The following YPEL1 variants were observed in gnomAD, a reference collection of about 807,000 sequenced individuals.
YPEL1 encodes the protein yippee like 1.
YPEL1 carries 7 observed loss-of-function variants against 17.3 expected under a neutral mutation model. The observed-to-expected ratio is 0.40, with a 90% CI of 0.23 to 0.76. The LOEUF is 0.76. Ranked by LOEUF, YPEL1 falls within the 30% of genes least tolerant of loss-of-function variation. YPEL1 has a pLI of 0.35. For missense variants in YPEL1, 91 were observed against 155.5 expected, an observed-to-expected ratio of 0.59 and a Z score of 2.21; for synonymous variants, 59 against 59.6, an observed-to-expected ratio of 0.99 and a Z score of 0.05.
At chr22:21,726,073 T>C (rs1450309111) in intron 1 of YPEL1, among the ~76,000 whole-genome samples, 3 of 152,148 alleles carry the variant, frequency 2.0e-5, no homozygotes, top group Non-Finnish European at 4.4e-5. Context: ...CATGGACCCA[T>C]GGGCACCAAG....
chr22:21,728,413 C>T (rs1464594683), intron 1 of YPEL1, among the ~76,000 whole-genome samples: 1 of 152,208 alleles, frequency 6.6e-6, no homozygotes, highest in Admixed American at 6.5e-5. Context: ...GCAGCGGCTC[C>T]CAGAGCCTTG....
intron 1 of YPEL1, among the ~76,000 whole-genome samples, chr22:21,719,761 C>T (rs1393915711): frequency 1.3e-5 from 2 of 152,022 alleles, no homozygotes; most frequent in Non-Finnish European, 2.9e-5. Context: ...GACGCGGTGG[C>T]TCACGCCTGG....
At chr22:21,712,464 C>T (rs1381385119) in intron 1 of YPEL1, among the ~76,000 whole-genome samples, 2 of 147,456 alleles carry the variant, frequency 1.4e-5, no homozygotes, top group Non-Finnish European at 3.0e-5. Context: ...TGGTGGCTCA[C>T]GCCTGTAATC....
chr22:21,734,044 CCA>C (rs2068413774), intron 1 of YPEL1, among the ~76,000 whole-genome samples: 1 of 152,100 alleles, frequency 6.6e-6, no homozygotes, highest in South Asian at 2.1e-4. Context: ...AAGTGAGACC[CCA>C]GTCTCTACAA....
chr22:21,711,367 A>T (rs1452166502), intron 1 of YPEL1, among the ~76,000 whole-genome samples: 2 of 152,228 alleles, frequency 1.3e-5, no homozygotes, highest in Non-Finnish European at 2.9e-5. Context: ...ATTGATTCAA[A>T]TTCTTCTTAT....
intron 1 of YPEL1, among the ~76,000 whole-genome samples, chr22:21,733,463 G>C (rs1474494938): frequency 4.6e-5 from 7 of 151,666 alleles, no homozygotes; most frequent in Non-Finnish European, 8.8e-5. Flanking sequence ...ACTGGGGGTG[G>C]TGGCTCACAC....
chr22:21,722,249 T>C (rs1362063405), intron 1 of YPEL1, among the ~76,000 whole-genome samples: 1 of 152,106 alleles, frequency 6.6e-6, no homozygotes, highest in African/African-American at 2.4e-5. Context: ...AAACCCCATC[T>C]CTACTAAAAA....
chr22:21,727,847 C>T (rs2068349951), intron 1 of YPEL1, among the ~76,000 whole-genome samples: 1 of 152,232 alleles, frequency 6.6e-6, no homozygotes, highest in African/African-American at 2.4e-5. Context: ...GGCACTGCCA[C>T]CACCTGGCAG....
In YPEL1 at chr22:21,703,641, A is replaced by G. The variant is rs2068086664; in HGVS notation, c.162-163T>C. Among the ~76,000 whole-genome samples, 1 of 151,198 alleles carries G rather than the reference A, an allele frequency of 6.6e-6. No homozygotes were observed. The highest frequency in any genetic ancestry group is 2.4e-5 in the African/African-American group (1 of 41,156). On this transcript the variant is annotated intron_variant, in intron 3 of 4. Transcript: ENST00000339468. This position sits in a 1 kb window ranked among gnomAD's most constrained non-coding sequence, Gnocchi z 6.1. The stretch of plus-strand genomic sequence containing the variant: ...TCCCCCAGCCCTGCCCGCCACCACC[A>G]TCAATGGGAAAGATCAGTGATGGGA...
intron 2 of YPEL1, among the ~76,000 whole-genome samples, chr22:21,708,593 G>T (rs145944029): frequency 1.8e-3 from 268 of 151,370 alleles, no homozygotes; most frequent in African/African-American, 6.3e-3. Flanking sequence ...ACCCATCTTG[G>T]CCTTCCAAAG....
Position 21,712,958 on chromosome 22 carries a change from T to A in YPEL1, c.-164-2050A>T, listed in dbSNP as rs560274098. On this transcript the variant is annotated intron_variant, in intron 1 of 4. Coordinates refer to ENST00000339468, the MANE Select transcript of YPEL1 (RefSeq NM_013313.5). ...TGATTAAAAATGGACAAAGGACTTA[T>A]ATAAACATTTCTCCGAAGAAGATAT... Among the ~76,000 whole-genome samples, 41 of 152,178 alleles carry A rather than the reference T, an allele frequency of 2.7e-4. No homozygotes were observed. The East Asian group carries it at 7.9e-3, about 29-fold the overall frequency.
At chr22:21,727,776 G>C (rs1247463340) in intron 1 of YPEL1, among the ~76,000 whole-genome samples, 1 of 152,216 alleles carries the variant, frequency 6.6e-6, no homozygotes, top group Admixed American at 6.5e-5. Flanking sequence ...CCCATCCCTG[G>C]GGCACCTGTG....
intron 1 of YPEL1, among the ~76,000 whole-genome samples, chr22:21,726,061 A>G (rs923196362): frequency 1.8e-4 from 28 of 152,170 alleles, no homozygotes; most frequent in Non-Finnish European, 3.5e-4. Context: ...GCTTGTTAAA[A>G]ACATGGACCC....
intron 1 of YPEL1, among the ~76,000 whole-genome samples, chr22:21,713,534 A>T (rs1486926701): frequency 6.6e-6 from 1 of 152,100 alleles, no homozygotes; most frequent in Non-Finnish European, 1.5e-5. Flanking sequence ...ATATTGTATG[A>T]GGTACTTAGA....
intron 1 of YPEL1, among the ~76,000 whole-genome samples, chr22:21,727,726 T>C (rs1225958832): frequency 2.0e-5 from 3 of 151,936 alleles, no homozygotes; most frequent in South Asian, 2.1e-4. Flanking sequence ...CAGACTGGGG[T>C]GCCCCCTTCA....
chr22:21,698,534 C>T lies in YPEL1; in HGVS notation c.*2595G>A, dbSNP rs1349754044. On this transcript the variant is annotated 3_prime_UTR_variant, in exon 5 of 5. Transcript: ENST00000339468. ...GGCTGGGGACGGCACGAACCTCCAACTGTTTCCCCTAGTCCCCGGGGCATC... is the reference window on the plus strand; with the variant it reads ...GGCTGGGGACGGCACGAACCTCCAATTGTTTCCCCTAGTCCCCGGGGCATC... The T allele has an allele frequency of 6.6e-6, 1 of 152,376 alleles. No individual in the cohort carries two copies. Among genetic ancestry groups the T allele is most frequent in the East Asian group, 1.9e-4 (1 of 5,342 alleles). The allele number at this position is 152,376 out of a possible 1,614,324, so 9.4% of individuals were successfully genotyped here.
Position 21,698,082 on chromosome 22 carries a change from C to CTT in YPEL1, c.*3045_*3046dup, listed in dbSNP as rs2068007849. 1.3e-5 allele frequency: 2 copies of CTT among 152,204 alleles called. No homozygotes were observed. The highest frequency in any genetic ancestry group is 4.8e-5 in the African/African-American group (2 of 41,364). The allele number at this position is 152,204 out of a possible 1,614,324, so 9.4% of individuals were successfully genotyped here. On this transcript the variant is annotated 3_prime_UTR_variant, in exon 5 of 5. Coordinates refer to ENST00000339468, the MANE Select transcript of YPEL1 (RefSeq NM_013313.5). ...CTCAAGGAAGATTTATTTTAAATAACTTAAATAGAAGTCCTAGATGATATT... is the reference window on the plus strand; with the variant it reads ...CTCAAGGAAGATTTATTTTAAATAACTTTTAAATAGAAGTCCTAGATGATATT...
In YPEL1 at chr22:21,703,715, G is replaced by C; in HGVS notation, c.161+124C>G. ...GCGCGTTTCAGAAACTCCCGGCGGGGGGATGGTGGGTTCTTTCAGGACCCC... is the reference window on the plus strand; with the variant it reads ...GCGCGTTTCAGAAACTCCCGGCGGGCGGATGGTGGGTTCTTTCAGGACCCC... On this transcript the variant is annotated intron_variant, in intron 3 of 4. Coordinates refer to ENST00000339468, the MANE Select transcript of YPEL1 (RefSeq NM_013313.5). This position sits in a 1 kb window ranked among gnomAD's most constrained non-coding sequence, Gnocchi z 6.1. 1 of 1,130,282 alleles carries C rather than the reference G, an allele frequency of 8.8e-7. No individual in the cohort carries two copies. The highest frequency in any genetic ancestry group is 1.3e-6 in the Non-Finnish European group (1 of 795,632). 70.0% of individuals were successfully genotyped at this position (1,130,282 alleles called of 1,614,324 possible). A position where few individuals can be genotyped will look rare whatever the true frequency, so the allele number is the denominator to read the frequency against.
In YPEL1 at chr22:21,728,917, T is replaced by C. The variant is rs976223329; in HGVS notation, c.-165+6698A>G. On this transcript the variant is annotated intron_variant, in intron 1 of 4. Transcript: ENST00000339468. ...CAGCACTTTGGGAGGCCGAGGCGGG[T>C]GGATCACCTGAAGTCAGGAGTTCTA... 2.0e-5 allele frequency among the ~76,000 whole-genome samples: 3 copies of C among 151,654 alleles called. No individual in the cohort carries two copies. In the South Asian group the frequency reaches 6.3e-4, roughly 32 times the overall value.
Sources: gnomAD v4.1 joint callset for allele counts (sites outside exome capture counted in the v4.1 genomes callset) on GRCh38, gnomAD v4.1.1 for gene constraint, Gnocchi (gnomAD v3.1) non-coding constraint, MANE v1.5 for transcripts, NCBI Gene and HGNC (gene_info 2026-07-23, HGNC 2026-07-21) for gene names.